The following ZNF609 variants were observed in gnomAD, a reference collection of about 807,000 sequenced individuals.
ZNF609 encodes zinc finger protein 609.
In ZNF609, 11 loss-of-function variants were observed where a neutral mutation model predicts 109.5. That is an observed-to-expected ratio of 0.10 (90% CI 0.06 to 0.17). ZNF609 has a LOEUF of 0.17. ZNF609 is among the 10% of genes least tolerant of loss of function. ZNF609 has a pLI of 1.00. For synonymous variants in ZNF609, 646 were observed against 662.0 expected (o/e 0.98, Z 0.37); for missense variants, 1,559 against 1,772.4 (o/e 0.88, Z 2.16).
intron 2 of ZNF609, among the ~76,000 whole-genome samples, chr15:64,555,480 A>G (rs929815885): frequency 2.6e-5 from 4 of 152,118 alleles, no homozygotes; most frequent in Non-Finnish European, 2.9e-5. Context: ...CCTGGGCAGC[A>G]TGGTGAAACC....
intron 3 of ZNF609, among the ~76,000 whole-genome samples, chr15:64,639,462 T>C (rs1191710712): frequency 3.3e-5 from 5 of 152,228 alleles, no homozygotes; most frequent in African/African-American, 1.2e-4. Flanking sequence ...ATTCTTCTTT[T>C]CTTCTGCTCT....
At chr15:64,578,991 G>C (rs1006455254) in intron 2 of ZNF609, among the ~76,000 whole-genome samples, 3 of 151,962 alleles carry the variant, frequency 2.0e-5, no homozygotes, top group Non-Finnish European at 4.4e-5. Flanking sequence ...GACAGAGAGA[G>C]AACTTGTCTC....
chr15:64,467,569 C>T (rs530963290), intron 1 of ZNF609, among the ~76,000 whole-genome samples: 9 of 152,252 alleles, frequency 5.9e-5, no homozygotes, highest in Non-Finnish European at 1.0e-4. Flanking sequence ...TGCCTTAGCC[C>T]GGTGCGGTGG....
At chr15:64,564,396 A>T (rs565501032) in intron 2 of ZNF609, among the ~76,000 whole-genome samples, 20 of 152,240 alleles carry the variant, frequency 1.3e-4, no homozygotes, top group South Asian at 6.2e-4. Context: ...AGTACAAGAT[A>T]ATCATAAGAT....
intron 1 of ZNF609, among the ~76,000 whole-genome samples, chr15:64,484,922 C>G (rs138053252): frequency 0.048 from 7,324 of 151,866 alleles, 231 homozygotes; most frequent in South Asian, 0.086. Context: ...TGCAGTGAGC[C>G]GAGATTGCGC....
At chr15:64,570,471 A>C (rs1004925557) in intron 2 of ZNF609, among the ~76,000 whole-genome samples, 5 of 152,212 alleles carry the variant, frequency 3.3e-5, no homozygotes, top group Non-Finnish European at 2.9e-5. Flanking sequence ...AAGATTCTTA[A>C]GGAAGAGTAG....
At chr15:64,651,692 G>A (rs938367362) in intron 3 of ZNF609, among the ~76,000 whole-genome samples, 1 of 152,194 alleles carries the variant, frequency 6.6e-6, no homozygotes, top group African/African-American at 2.4e-5. Context: ...GCTGTCAGGA[G>A]GACTATACAA....
At position 64,676,201 on chromosome 15, in the gene ZNF609, C is replaced by T; in HGVS notation, c.3347C>T (p.Thr1116Ile). ...HLSKEASEAK[T>I]GAECGRQAEM... ...AGCAAGGAGGCCTCTGAGGCCAAGA[C>T]AGGTGCTGAGTGTGGTCGACAGGCA... The change falls in exon 5 of 10, where the codon ACA becomes ATA. Residue 1116 changes from threonine to isoleucine, a missense_variant. Thr to Ile is a moderately conservative substitution (Grantham distance 89, BLOSUM62 -1). Transcript: ENST00000326648. The T allele has an allele frequency of 6.2e-7, 1 of 1,614,066 alleles. No homozygotes were observed. The highest frequency in any genetic ancestry group is 1.7e-5 in the Admixed American group (1 of 60,008).
intron 2 of ZNF609, among the ~76,000 whole-genome samples, chr15:64,618,609 T>G (rs754021645): frequency 4.6e-5 from 7 of 152,118 alleles, no homozygotes; most frequent in Non-Finnish European, 1.0e-4. Context: ...CTCAGCAGAT[T>G]GGGGAGCCAG....
intron 2 of ZNF609, among the ~76,000 whole-genome samples, chr15:64,527,729 T>C (rs1233296742): frequency 6.6e-6 from 1 of 152,204 alleles, no homozygotes; most frequent in African/African-American, 2.4e-5. Flanking sequence ...TCACCCAAAC[T>C]AGAAACTTGT....
intron 2 of ZNF609, among the ~76,000 whole-genome samples, chr15:64,570,146 CA>C (rs1894838868): frequency 6.6e-6 from 1 of 152,316 alleles, no homozygotes; most frequent in African/African-American, 2.4e-5. Context: ...AGGCGTGAGC[CA>C]CTGTGCCTGA....
chr15:64,528,946 G>A (rs1166547747), intron 2 of ZNF609: 33 of 1,326,918 alleles, frequency 2.5e-5, no homozygotes, highest in African/African-American at 4.3e-5. Flanking sequence ...GGTCAGGTCC[G>A]CCACTGACAC....
intron 2 of ZNF609, among the ~76,000 whole-genome samples, chr15:64,554,568 A>C (rs1253087170): frequency 6.6e-6 from 1 of 151,970 alleles, no homozygotes; most frequent in Non-Finnish European, 1.5e-5. Context: ...GGCTGAGGGG[A>C]GATCAGTTGA....
At chr15:64,528,866 A>AG in intron 2 of ZNF609, 1 of 921,888 alleles carries the variant, frequency 1.1e-6, no homozygotes, top group Non-Finnish European at 1.8e-6. Flanking sequence ...GATGCTCTTG[A>AG]GGGGGCCCTC....
intron 3 of ZNF609, among the ~76,000 whole-genome samples, chr15:64,663,555 A>C (rs1418546650): frequency 6.6e-6 from 1 of 151,950 alleles, no homozygotes; most frequent in Non-Finnish European, 1.5e-5. Flanking sequence ...TTTAGGGGAG[A>C]GGTTGGGGCT....
chr15:64,490,276 T>C (rs1044448301), intron 1 of ZNF609, among the ~76,000 whole-genome samples: 1 of 151,062 alleles, frequency 6.6e-6, no homozygotes, highest in African/African-American at 2.4e-5. Context: ...GTAGTTGTTT[T>C]TTTTTTTTTT....
At chr15:64,595,639 C>T (rs187568007) in intron 2 of ZNF609, among the ~76,000 whole-genome samples, 1 of 152,168 alleles carries the variant, frequency 6.6e-6, no homozygotes, top group Admixed American at 6.6e-5. Context: ...GGGGTCATAA[C>T]ATCCAACTAC....
At chr15:64,552,545 G>A (rs1360217926) in intron 2 of ZNF609, among the ~76,000 whole-genome samples, 1 of 152,008 alleles carries the variant, frequency 6.6e-6, no homozygotes, top group Non-Finnish European at 1.5e-5. Context: ...AGTAGGGACG[G>A]GATTTTGCTA....
intron 2 of ZNF609, among the ~76,000 whole-genome samples, chr15:64,608,467 A>G (rs1453183258): frequency 1.3e-5 from 2 of 151,864 alleles, no homozygotes; most frequent in African/African-American, 4.8e-5. Flanking sequence ...ACTCGTACTC[A>G]TTTGTGTGTT....
Sources: allele counts gnomAD v4.1 joint callset (sites outside exome capture counted in the v4.1 genomes callset), GRCh38; gene constraint gnomAD v4.1.1; transcripts MANE v1.5; gene names NCBI Gene and HGNC (gene_info 2026-07-23, HGNC 2026-07-21).